The following BICD1 variants were observed in gnomAD, a reference collection of about 807,000 sequenced individuals.
BICD1 encodes BICD cargo adaptor 1.
BICD1 carries 35 observed loss-of-function variants against 92.5 expected under a neutral mutation model. The observed-to-expected ratio is 0.38, with a 90% CI of 0.29 to 0.50. The LOEUF is 0.50. Ranked by LOEUF, BICD1 falls within the 20% of genes least tolerant of loss-of-function variation. BICD1 has a pLI of 0.93. For missense variants in BICD1, 950 were observed against 1,189.8 expected (o/e 0.80, Z 2.97); for synonymous variants, 429 against 465.1 (o/e 0.92, Z 1.00).
intron 2 of BICD1, among the ~76,000 whole-genome samples, chr12:32,242,517 ACT>A (rs1184486864): frequency 6.6e-6 from 1 of 151,170 alleles, no homozygotes; most frequent in African/African-American, 2.4e-5. Context: ...ACAGAGCGAG[ACT>A]CTGTCTTAAA....
chr12:32,266,701 A>G (rs975456501), intron 2 of BICD1, among the ~76,000 whole-genome samples: 1 of 152,056 alleles, frequency 6.6e-6, no homozygotes, highest in Admixed American at 6.6e-5. Flanking sequence ...TACCAAAAAT[A>G]TAAAAAAATA....
chr12:32,299,303 G>T (rs914266795), intron 3 of BICD1, among the ~76,000 whole-genome samples: 1 of 152,260 alleles, frequency 6.6e-6, no homozygotes, highest in Middle Eastern at 3.4e-3. Context: ...GCACCTTCTT[G>T]TTCCGTTTCT....
chr12:32,328,667 A>G lies in BICD1; in HGVS notation c.2100+112A>G, dbSNP rs1193624229. 1.4e-6 allele frequency: 2 copies of G among 1,395,086 alleles called. No homozygotes were observed. The highest frequency in any genetic ancestry group is 4.7e-5 in the East Asian group (2 of 42,956). The allele number at this position is 1,395,086 out of a possible 1,614,324, so 86.4% of individuals were successfully genotyped here. A position where few individuals can be genotyped will look rare whatever the true frequency, so the allele number is the denominator to read the frequency against. ...CAAGATGAGAGTTCAGATTCTTGGT[A>G]AGTGGATAAATAAAACTGTCCCAGT... On this transcript the variant is annotated intron_variant, in intron 5 of 9. Transcript: ENST00000652176. This position sits in a 1 kb window ranked among gnomAD's most constrained non-coding sequence, Gnocchi z 4.4.
chr12:32,303,457 C>T (rs1948119096), intron 3 of BICD1, among the ~76,000 whole-genome samples: 1 of 152,156 alleles, frequency 6.6e-6, no homozygotes, highest in Non-Finnish European at 1.5e-5. Context: ...GTGTATTTCT[C>T]AGTTTTTTCC....
At chr12:32,291,000 G>C (rs1196000299) in intron 2 of BICD1, among the ~76,000 whole-genome samples, 1 of 152,142 alleles carries the variant, frequency 6.6e-6, no homozygotes, top group Non-Finnish European at 1.5e-5. Flanking sequence ...CCACTACTTA[G>C]AGATTACAGT....
chr12:32,182,274 C>CTTTTTTTTTTTTTTTT (rs1944292915), intron 1 of BICD1, among the ~76,000 whole-genome samples: 1 of 84,996 alleles, frequency 1.2e-5, no homozygotes, highest in Admixed American at 1.5e-4. Flanking sequence ...TTCTTTCTTT[C>CTTTTTTTTTTTTTTTT]TTTCTTTTTT....
chr12:32,238,916 C>G (rs1359207745), intron 2 of BICD1, among the ~76,000 whole-genome samples: 1 of 123,716 alleles, frequency 8.1e-6, no homozygotes, highest in African/African-American at 3.2e-5. Flanking sequence ...TGCACTCCAG[C>G]TTGGGCAACA....
At chr12:32,354,804 A>G (rs1488644911) in intron 8 of BICD1, among the ~76,000 whole-genome samples, 3 of 152,176 alleles carry the variant, frequency 2.0e-5, no homozygotes, top group Non-Finnish European at 1.5e-5. Flanking sequence ...TTTCCTAGCT[A>G]CTGTTAATAT....
At chr12:32,225,054 C>G (rs1027093659) in intron 2 of BICD1, among the ~76,000 whole-genome samples, 20 of 152,136 alleles carry the variant, frequency 1.3e-4, no homozygotes, top group African/African-American at 4.6e-4. Flanking sequence ...AGGAGGTAGA[C>G]CAGTTTCACC....
chr12:32,375,295 G>T (rs1156891991), intron 9 of BICD1, among the ~76,000 whole-genome samples: 3 of 151,990 alleles, frequency 2.0e-5, no homozygotes, highest in Admixed American at 2.0e-4. Context: ...TTGAGAGGCC[G>T]AGGTGGGCAG....
chr12:32,231,598 T>A (rs960663966), intron 2 of BICD1, among the ~76,000 whole-genome samples: 1 of 149,076 alleles, frequency 6.7e-6, no homozygotes, highest in Non-Finnish European at 1.5e-5. Flanking sequence ...TTTATTTATT[T>A]ATTATTATAC....
intron 2 of BICD1, among the ~76,000 whole-genome samples, chr12:32,269,015 T>A (rs1320031120): frequency 6.6e-6 from 1 of 152,138 alleles, no homozygotes; most frequent in Non-Finnish European, 1.5e-5. Context: ...TGCTGAAGTT[T>A]TTGATTTGTA....
At chr12:32,297,545 G>GT (rs944878034) in intron 3 of BICD1, among the ~76,000 whole-genome samples, 25 of 152,106 alleles carry the variant, frequency 1.6e-4, no homozygotes, top group Non-Finnish European at 7.4e-5. Context: ...ATGCCACAGA[G>GT]TTTTTTAAAG....
intron 1 of BICD1, among the ~76,000 whole-genome samples, chr12:32,209,303 A>G (rs1386975344): frequency 6.6e-6 from 1 of 152,254 alleles, no homozygotes; most frequent in Non-Finnish European, 1.5e-5. Context: ...TACTCCAAAA[A>G]TATTTGAAGT....
At chr12:32,363,070 G>A (rs980273598) in intron 8 of BICD1, among the ~76,000 whole-genome samples, 6 of 152,144 alleles carry the variant, frequency 3.9e-5, no homozygotes, top group Admixed American at 2.0e-4. Context: ...TTATAGGAAA[G>A]ATTACATCAT....
At position 32,305,871 on chromosome 12, in the gene BICD1, C is replaced by T; in HGVS notation, c.754C>T (p.Leu252Phe). Residue 252 changes from leucine (L) to phenylalanine (F), a missense_variant, in exon 4 of 10, where the codon CTC becomes TTC. Physicochemically the swap from Leu to Phe is conservative, Grantham distance 22. Transcript: ENST00000652176. ...REQKNNLRKE[L>F]SQYISLNDNH... ...GCAAAAGAACAACCTGCGGAAGGAG[C>T]TCTCCCAGTATATCAGCCTCAATGA... 1 of 1,614,174 alleles carries T rather than the reference C, an allele frequency of 6.2e-7. No individual in the cohort carries two copies. Among genetic ancestry groups the T allele is most frequent in the Non-Finnish European group, 8.5e-7 (1 of 1,180,034 alleles).
chr12:32,131,853 G>A (rs1942557113), intron 1 of BICD1, among the ~76,000 whole-genome samples: 1 of 152,190 alleles, frequency 6.6e-6, no homozygotes, highest in Non-Finnish European at 1.5e-5. Context: ...TTGTGGGGGA[G>A]AAAGGCAACA....
chr12:32,136,451 G>A (rs1248053039), intron 1 of BICD1, among the ~76,000 whole-genome samples: 1 of 152,174 alleles, frequency 6.6e-6, no homozygotes, highest in Non-Finnish European at 1.5e-5. Context: ...GCCCCTTCAT[G>A]GGCCAAATGC....
chr12:32,328,965 C>A lies in BICD1; in HGVS notation c.2100+410C>A, dbSNP rs1706294529. Among the ~76,000 whole-genome samples, 1 of 152,066 alleles carries A rather than the reference C, an allele frequency of 6.6e-6. No individual in the cohort carries two copies. Among genetic ancestry groups the A allele is most frequent in the Admixed American group, 6.6e-5 (1 of 15,256 alleles). ...GCAAGAAAGACAAACACCCAGCAGG[C>A]AGCTAGAGCAAACAGAGGGAAATCT... On this transcript the variant is annotated intron_variant, in intron 5 of 9. Coordinates refer to ENST00000652176, the MANE Select transcript of BICD1 (RefSeq NM_001714.4). The surrounding 1 kb of genome is among the most constrained non-coding windows in gnomAD (Gnocchi z 4.4).
Sources: allele counts gnomAD v4.1 joint callset (sites outside exome capture counted in the v4.1 genomes callset), GRCh38; gene constraint gnomAD v4.1.1; non-coding constraint Gnocchi (gnomAD v3.1); transcripts MANE v1.5; gene names NCBI Gene and HGNC (gene_info 2026-07-23, HGNC 2026-07-21).